Variants in PRIM2 observed in about 807,000 individuals in gnomAD.
PRIM2 encodes the protein DNA primase large subunit.
In PRIM2, 39 loss-of-function variants were observed where a neutral mutation model predicts 67.3. That is an observed-to-expected ratio of 0.58 (90% CI 0.45 to 0.76). The LOEUF (loss-of-function observed/expected upper bound fraction) is 0.76, where lower values mean the gene tolerates loss of function less well. Ranked by LOEUF, PRIM2 falls within the 30% of genes least tolerant of loss-of-function variation. PRIM2 has a pLI of 0.00. For missense variants in PRIM2, 398 were observed against 598.7 expected, an observed-to-expected ratio of 0.66 and a Z score of 3.50; for synonymous variants, 143 against 198.7, an observed-to-expected ratio of 0.72 and a Z score of 2.36.
At chr6:57,349,321 C>T (rs1768783809) in intron 5 of PRIM2, among the ~76,000 whole-genome samples, 1 of 151,100 alleles carries the variant, frequency 6.6e-6, no homozygotes, top group Non-Finnish European at 1.5e-5. Context: ...CCAATGCACA[C>T]ACCGTGTCAG....
chr6:57,485,554 C>G (rs2127407172), intron 7 of PRIM2, among the ~76,000 whole-genome samples: 1 of 152,260 alleles, frequency 6.6e-6, no homozygotes, highest in East Asian at 1.9e-4. Context: ...ATATGCAGTA[C>G]TGCATTTTCT....
the PRIM2 span, among the ~76,000 whole-genome samples, chr6:57,255,325 T>C: frequency 9.9e-5 from 15 of 151,932 alleles, no homozygotes; most frequent in African/African-American, 1.7e-4. Flanking sequence ...AGTGAAACCC[T>C]GTCTCTACTA....
Position 57,400,216 on chromosome 6 carries a change from G to A in PRIM2, c.693+18048G>A, listed in dbSNP as rs886356105. 3.9e-5 allele frequency among the ~76,000 whole-genome samples: 6 copies of A among 152,376 alleles called. No homozygotes were observed. The South Asian group carries it at 8.3e-4, about 21-fold the overall frequency. On this transcript the variant is annotated intron_variant, in intron 7 of 13. Coordinates refer to ENST00000615550, the MANE Select transcript of PRIM2 (RefSeq NM_000947.5). The stretch of plus-strand genomic sequence containing the variant: ...TATTGTCACTGATCCGTGTATTTAA[G>A]TGTCTTTTTGTATTAGCTGGTAGCA...
At position 57,454,018 on chromosome 6, in the gene PRIM2, G is replaced by A. The variant is rs1303119560; in HGVS notation, c.694-53369G>A. On this transcript the variant is annotated intron_variant, in intron 7 of 13. Coordinates refer to ENST00000615550, the MANE Select transcript of PRIM2 (RefSeq NM_000947.5). Reference sequence around the variant, plus strand: ...TGAAGGGTTGTCGAATTTTGTCAAAGGCCTTTTCTGCATCTATTGAAATAA... The same window carrying A: ...TGAAGGGTTGTCGAATTTTGTCAAAAGCCTTTTCTGCATCTATTGAAATAA... Among the ~76,000 whole-genome samples the A allele has an allele frequency of 3.8e-3, 584 of 152,240 alleles. 3 individuals carry two copies. Among genetic ancestry groups the A allele is most frequent in the African/African-American group, 0.013 (551 of 41,524 alleles).
intron 7 of PRIM2, among the ~76,000 whole-genome samples, chr6:57,450,276 T>C (rs1772500627): frequency 6.6e-6 from 1 of 152,180 alleles, no homozygotes; most frequent in Non-Finnish European, 1.5e-5. Context: ...TAATAGTTCT[T>C]TTTGGTGTCT....
At chr6:57,359,978 A>C (rs1769144592) in intron 5 of PRIM2, among the ~76,000 whole-genome samples, 1 of 152,224 alleles carries the variant, frequency 6.6e-6, no homozygotes. Flanking sequence ...AGACAGCTTT[A>C]TTATGTTTAG....
chr6:57,612,486 C>T (rs1205353115), intron 12 of PRIM2, among the ~76,000 whole-genome samples: 2,039 of 152,246 alleles, frequency 0.013, 39 homozygotes, highest in African/African-American at 0.046. Flanking sequence ...AGAAGTCAGA[C>T]TCAAAAGCAC....
intron 5 of PRIM2, 48 bp from the exon 6 acceptor site, chr6:57,379,853 G>A: frequency 2.0e-6 from 3 of 1,505,386 alleles, no homozygotes; most frequent in Non-Finnish European, 2.7e-6. Flanking sequence ...TATTGAAACT[G>A]AATGAGGACT....
intron 5 of PRIM2, among the ~76,000 whole-genome samples, chr6:57,351,284 T>C (rs1389943383): frequency 1.3e-5 from 2 of 152,112 alleles, no homozygotes; most frequent in African/African-American, 4.8e-5. Flanking sequence ...GAGTGTCATG[T>C]TGATGCTCAA....
At chr6:57,243,650 A>G in the PRIM2 span, among the ~76,000 whole-genome samples, 1 of 151,722 alleles carries the variant, frequency 6.6e-6, no homozygotes, top group African/African-American at 2.4e-5. Flanking sequence ...TTTTATTTTT[A>G]TTTTTAGTAG....
chr6:57,273,188 G>A, the PRIM2 span, among the ~76,000 whole-genome samples: 1 of 152,094 alleles, frequency 6.6e-6, no homozygotes, highest in South Asian at 2.1e-4. Context: ...TGCTAGATTG[G>A]GGAAGTTCTC....
At chr6:57,384,137 A>T (rs552854438) in intron 7 of PRIM2, among the ~76,000 whole-genome samples, 1 of 152,292 alleles carries the variant, frequency 6.6e-6, no homozygotes, top group Admixed American at 6.5e-5. Flanking sequence ...GGTTGCAAAA[A>T]TAGTTACCAT....
intron 10 of PRIM2, among the ~76,000 whole-genome samples, chr6:57,565,763 C>T (rs1179437345): frequency 6.6e-6 from 1 of 152,108 alleles, no homozygotes; most frequent in African/African-American, 2.4e-5. Flanking sequence ...TGAAATTAAC[C>T]ATCACAGATA....
At chr6:57,395,282 A>G (rs967815906) in intron 7 of PRIM2, among the ~76,000 whole-genome samples, 2 of 152,158 alleles carry the variant, frequency 1.3e-5, no homozygotes, top group African/African-American at 4.8e-5. Flanking sequence ...CTGTGAATCC[A>G]TCTGGTCCTG....
At chr6:57,242,118 G>A in the PRIM2 span, among the ~76,000 whole-genome samples, 4 of 152,022 alleles carry the variant, frequency 2.6e-5, no homozygotes, top group Admixed American at 1.3e-4. Flanking sequence ...AGTTAGTTTC[G>A]TACAATGTTC....
At chr6:57,373,375 T>G (rs1420494303) in intron 5 of PRIM2, among the ~76,000 whole-genome samples, 1 of 152,180 alleles carries the variant, frequency 6.6e-6, no homozygotes, top group African/African-American at 2.4e-5. Flanking sequence ...ATGTATAGAT[T>G]GCAAAAATTT....
chr6:57,502,096 G>GA (rs1774144185), intron 7 of PRIM2, among the ~76,000 whole-genome samples: 1 of 152,100 alleles, frequency 6.6e-6, no homozygotes, highest in Admixed American at 6.6e-5. Flanking sequence ...TCACTCTTTT[G>GA]GTAGTGACTG....
chr6:57,391,841 C>T (rs1299687027), intron 7 of PRIM2, among the ~76,000 whole-genome samples: 5 of 151,858 alleles, frequency 3.3e-5, no homozygotes, highest in Admixed American at 6.6e-5. Flanking sequence ...CTTGGCTATT[C>T]GGACTCTTTT....
intron 8 of PRIM2, among the ~76,000 whole-genome samples, chr6:57,524,474 GGCTGATCACCTGA>G (rs1312863441): frequency 6.6e-6 from 1 of 152,132 alleles, no homozygotes; most frequent in African/African-American, 2.4e-5. Flanking sequence ...GGCCGAGGCG[GGCTGATCACCTGA>G]GATCAGGAGT....
Sources: allele counts gnomAD v4.1 joint callset (sites outside exome capture counted in the v4.1 genomes callset), GRCh38; gene constraint gnomAD v4.1.1; transcripts MANE v1.5; gene names NCBI Gene and HGNC (gene_info 2026-07-23, HGNC 2026-07-21).